The following CAMTA2 variants were observed in gnomAD, a reference collection of about 807,000 sequenced individuals.
CAMTA2 encodes the protein calmodulin-binding transcription activator 2.
A neutral mutation model predicts 135.7 loss-of-function variants in CAMTA2; 56 were observed. That is an observed-to-expected ratio of 0.41 (90% CI 0.33 to 0.52). The LOEUF is 0.52. CAMTA2 is among the 20% of genes least tolerant of loss of function. CAMTA2 has a pLI of 0.16. For synonymous variants in CAMTA2, 591 were observed against 604.6 expected (o/e 0.98, Z 0.33); for missense variants, 1,358 against 1,553.4 (o/e 0.87, Z 2.11).
At chr17:4,987,553 C>A in intron 1 of CAMTA2, 40 bp downstream of exon 1, 1 of 1,504,574 alleles carries the variant, frequency 6.6e-7, no homozygotes. Flanking sequence ...CGCCCTCTGG[C>A]GCGGGGGCGG....
intron 11 of CAMTA2, among the ~76,000 whole-genome samples, chr17:4,976,178 G>T (rs1268581364): frequency 6.6e-6 from 1 of 151,822 alleles, no homozygotes; most frequent in African/African-American, 2.4e-5. Flanking sequence ...GCTAATTTTT[G>T]TATTTTTAGT....
In CAMTA2 at chr17:4,968,670, CAG is replaced by C. The variant is rs777226989; in HGVS notation, c.*84_*85del. 2 of 1,516,302 alleles carry C rather than the reference CAG, an allele frequency of 1.3e-6. No homozygotes were observed. The highest frequency in any genetic ancestry group is 3.4e-5 in the Admixed American group (2 of 58,628). The allele number at this position is 1,516,302 out of a possible 1,614,324, so 93.9% of individuals were successfully genotyped here. A position where few individuals can be genotyped will look rare whatever the true frequency, so the allele number is the denominator to read the frequency against. On this transcript the variant is annotated 3_prime_UTR_variant, in exon 23 of 23. Coordinates refer to ENST00000348066, the MANE Select transcript of CAMTA2 (RefSeq NM_015099.4). ...CAAAGGTGAACAGGAAAGCTGCCGACAGGGGCTCCCCCTGCCCCAGAAAGCCC... is the reference window on the plus strand; with the variant it reads ...CAAAGGTGAACAGGAAAGCTGCCGACGGGCTCCCCCTGCCCCAGAAAGCCC...
Position 4,980,642 on chromosome 17 carries a change from A to T in CAMTA2, c.701-21T>A. 6.3e-7 allele frequency: 1 copy of T among 1,592,810 alleles called. No homozygotes were observed. Among genetic ancestry groups the T allele is most frequent in the South Asian group, 1.1e-5 (1 of 90,472 alleles). ...AGAACCTGGAGTGGAGAGGAGTAGG[A>T]GGGAGAGGAGATAAGACACATCATT... On this transcript the variant is annotated intron_variant, in intron 8 of 22. Coordinates refer to ENST00000348066, the MANE Select transcript of CAMTA2 (RefSeq NM_015099.4). The surrounding 1 kb of genome is among the most constrained non-coding windows in gnomAD (Gnocchi z 5.3).
chr17:4,983,477 A>G (rs238231), intron 3 of CAMTA2, among the ~76,000 whole-genome samples: 109,514 of 151,770 alleles, frequency 0.72, 40,067 homozygotes, highest in African/African-American at 0.8. Context: ...TAGAGACAGG[A>G]TTTCACCATG....
chr17:4,973,033 G>C, intron 14 of CAMTA2, 42 bp from the exon 15 acceptor site: 6 of 1,549,662 alleles, frequency 3.9e-6, no homozygotes, highest in Non-Finnish European at 5.3e-6. Context: ...AGGTGGAGGT[G>C]AGGCCAGGGG....
chr17:4,987,624 G>C lies in CAMTA2; in HGVS notation c.-96C>G. The C allele has an allele frequency of 1.3e-6, 2 of 1,527,690 alleles. No individual in the cohort carries two copies. Among genetic ancestry groups the C allele is most frequent in the Non-Finnish European group, 1.7e-6 (2 of 1,143,044 alleles). The allele number at this position is 1,527,690 out of a possible 1,614,324, so 94.6% of individuals were successfully genotyped here. A position where few individuals can be genotyped will look rare whatever the true frequency, so the allele number is the denominator to read the frequency against. The stretch of plus-strand genomic sequence containing the variant: ...GGGTCCCGCGGGTGACGGCGGCAGC[G>C]GCCATTCTACCCCACACCGACCCCC... On this transcript the variant is annotated 5_prime_UTR_variant, in exon 1 of 23. Transcript: ENST00000348066.
intron 3 of CAMTA2, among the ~76,000 whole-genome samples, chr17:4,984,580 C>T (rs753117771): frequency 2.6e-5 from 4 of 152,216 alleles, no homozygotes; most frequent in African/African-American, 7.2e-5. Context: ...ATACACGCAT[C>T]GTTTTACTGA....
intron 7 of CAMTA2, 108 bp from the exon 8 acceptor site, chr17:4,981,467 A>G (rs1055291463): frequency 2.7e-6 from 4 of 1,470,812 alleles, no homozygotes; most frequent in Non-Finnish European, 3.7e-6. Flanking sequence ...TGGCCAGGTG[A>G]ACAGAGGCCA....
chr17:4,974,643 C>A lies in CAMTA2; in HGVS notation c.1901-143G>T, dbSNP rs544536547. ...CCCCAAAACAACAGCTCCTTTACCCCTTCACCTAAATAAAGCCCACCAGGA... is the reference window on the plus strand; with the variant it reads ...CCCCAAAACAACAGCTCCTTTACCCATTCACCTAAATAAAGCCCACCAGGA... On this transcript the variant is annotated intron_variant, in intron 11 of 22. Transcript: ENST00000348066. 5.2e-4 allele frequency: 314 copies of A among 608,658 alleles called. 1 individual carries two copies. The highest frequency in any genetic ancestry group is 2.5e-3 in the Admixed American group (91 of 36,974). 37.7% of individuals were successfully genotyped at this position (608,658 alleles called of 1,614,324 possible). A position where few individuals can be genotyped will look rare whatever the true frequency, so the allele number is the denominator to read the frequency against.
intron 11 of CAMTA2, among the ~76,000 whole-genome samples, chr17:4,976,766 T>C (rs1038249342): frequency 1.3e-5 from 2 of 152,104 alleles, no homozygotes; most frequent in Admixed American, 6.6e-5. Flanking sequence ...TATATATTGC[T>C]CTAGACCCTG....
chr17:4,987,115 A>G, intron 1 of CAMTA2: 1 of 1,365,612 alleles, frequency 7.3e-7, no homozygotes, highest in African/African-American at 1.5e-5. Flanking sequence ...GGTTGGGGTA[A>G]GGACTCCGCC....
chr17:4,969,545 G>A lies in CAMTA2; in HGVS notation c.3262-25C>T, dbSNP rs768005496. The A allele has an allele frequency of 1.2e-6, 2 of 1,614,164 alleles. No homozygotes were observed. The highest frequency in any genetic ancestry group is 2.2e-5 in the South Asian group (2 of 91,084). Reference sequence around the variant, plus strand: ...GCTTGTGGAGAGAGAAGGGGAGTTAGGGCTCTGGCAACATTCTGGAATGGT... The same window carrying A: ...GCTTGTGGAGAGAGAAGGGGAGTTAAGGCTCTGGCAACATTCTGGAATGGT... On this transcript the variant is annotated intron_variant, in intron 19 of 22. Coordinates refer to ENST00000348066, the MANE Select transcript of CAMTA2 (RefSeq NM_015099.4). This position sits in a 1 kb window ranked among gnomAD's most constrained non-coding sequence, Gnocchi z 5.6.
chr17:4,983,387 A>G (rs1459890455), intron 3 of CAMTA2, among the ~76,000 whole-genome samples: 2 of 151,720 alleles, frequency 1.3e-5, no homozygotes, highest in Non-Finnish European at 2.9e-5. Flanking sequence ...GGTTCAAGCA[A>G]TTCTCCTGCC....
Position 4,981,234 on chromosome 17 carries a change from C to G in CAMTA2, c.691G>C (p.Gly231Arg), listed in dbSNP as rs1434304519. The stretch of plus-strand genomic sequence containing the variant: ...TCAGGGAGTAACTTACCAAGCCCCC[C>G]ACTGCAGAGACAGGCGTGGGTTCGG... ...APRTHACLCS[G>R]GLGSGSLTHK... The change falls in exon 8 of 23, where the codon GGG (glycine) becomes CGG (arginine). Residue 231 changes from glycine to arginine, a missense_variant. Transcript: ENST00000348066. 3.1e-6 allele frequency: 5 copies of G among 1,613,564 alleles called. No homozygotes were observed. Among genetic ancestry groups the G allele is most frequent in the Non-Finnish European group, 4.2e-6 (5 of 1,179,944 alleles).
Position 4,973,776 on chromosome 17 carries a change from T to G in CAMTA2, c.2017-7A>C. On this transcript the variant is annotated splice_polypyrimidine_tract_variant and splice_region_variant and intron_variant, in intron 12 of 22. Transcript: ENST00000348066. ...CAGGCCCCTGGCCTTCATCCTGCGA[T>G]ATACACACTCTTAGGCAGAGACCCA... The G allele has an allele frequency of 6.3e-7, 1 of 1,598,588 alleles. No homozygotes were observed. The highest frequency in any genetic ancestry group is 8.5e-7 in the Non-Finnish European group (1 of 1,170,298).
intron 1 of CAMTA2, chr17:4,986,896 T>C: frequency 7.3e-7 from 1 of 1,366,908 alleles, no homozygotes; most frequent in Non-Finnish European, 1.0e-6. Context: ...CAGCCCTCTC[T>C]ACGTAGCTCC....
rs138928424 is a variant in CAMTA2 at position 4,969,027 on chromosome 17, C to A, written c.3471-46G>T. The stretch of plus-strand genomic sequence containing the variant: ...TGGACCTCACAGAAGGCATCGCATG[C>A]CTTCGGCCCCCCCAGGAACCCTAGG... On this transcript the variant is annotated intron_variant, in intron 21 of 22. Transcript: ENST00000348066. The surrounding 1 kb of genome is among the most constrained non-coding windows in gnomAD (Gnocchi z 5.6). 1,556 of 1,600,520 alleles carry A rather than the reference C, an allele frequency of 9.7e-4. 5 individuals carry two copies. The African/African-American group carries it at 9.8e-3, about 10-fold the overall frequency.
At position 4,982,180 on chromosome 17, in the gene CAMTA2, G is replaced by A; in HGVS notation, c.340-20C>T. On this transcript the variant is annotated intron_variant, in intron 5 of 22. Transcript: ENST00000348066. Reference sequence around the variant, plus strand: ...GAGACACTGCCAGGAGACAGGCTGGGGTGGGGGGAGGGCTAGTCTGCTCCC... The same window carrying A: ...GAGACACTGCCAGGAGACAGGCTGGAGTGGGGGGAGGGCTAGTCTGCTCCC... The A allele has an allele frequency of 2.5e-6, 2 of 789,810 alleles. No homozygotes were observed. The highest frequency in any genetic ancestry group is 4.3e-6 in the Non-Finnish European group (2 of 464,842). The allele number at this position is 789,810 out of a possible 1,614,324, so 48.9% of individuals were successfully genotyped here.
At chr17:4,985,833 G>A in intron 3 of CAMTA2, 47 bp downstream of exon 3, 1 of 1,228,078 alleles carries the variant, frequency 8.1e-7, no homozygotes. Context: ...CCCTCCTCCA[G>A]CCTACTAGGT....
Sources: allele counts gnomAD v4.1 joint callset (sites outside exome capture counted in the v4.1 genomes callset), GRCh38; gene constraint gnomAD v4.1.1; non-coding constraint Gnocchi (gnomAD v3.1); transcripts MANE v1.5; gene names NCBI Gene and HGNC (gene_info 2026-07-23, HGNC 2026-07-21).